The following TM4SF19 variants were observed in gnomAD, a reference collection of about 807,000 sequenced individuals.
TM4SF19 encodes the protein transmembrane 4 L6 family member 19.
In TM4SF19, 17 loss-of-function variants were observed where a neutral mutation model predicts 21.8. The ratio of observed to expected loss-of-function variants is 0.78; its 90% CI spans 0.53 to 1.17. The LOEUF (loss-of-function observed/expected upper bound fraction) is 1.17. TM4SF19 is among the 50% of genes most tolerant of loss of function. The pLI is 0.00. For missense variants in TM4SF19, 216 were observed against 252.1 expected (o/e 0.86, Z 0.97); for synonymous variants, 107 against 106.7 (o/e 1.00, Z -0.02).
At chr3:196,327,280 G>T in intron 2 of TM4SF19, 110 bp downstream of exon 2, 1 of 1,095,324 alleles carries the variant, frequency 9.1e-7, no homozygotes. Flanking sequence ...AGATCAGCTT[G>T]TTAGAATAAA....
chr3:196,332,767 G>A (rs1444095712), intron 1 of TM4SF19, among the ~76,000 whole-genome samples: 1 of 151,112 alleles, frequency 6.6e-6, no homozygotes, highest in African/African-American at 2.4e-5. Context: ...CCCGTTGTAA[G>A]TCAAAATATC....
At chr3:196,337,392 ACTGT>A (rs1560207917) in intron 1 of TM4SF19, among the ~76,000 whole-genome samples, 1 of 152,086 alleles carries the variant, frequency 6.6e-6, no homozygotes, top group African/African-American at 2.4e-5. Context: ...CGGTTGTTAC[ACTGT>A]CTTTCTAAAA....
intron 1 of TM4SF19, among the ~76,000 whole-genome samples, chr3:196,329,004 C>T (rs888425588): frequency 2.6e-5 from 4 of 151,310 alleles, no homozygotes; most frequent in Non-Finnish European, 4.4e-5. Context: ...AGTGCAGTGG[C>T]GCGATCTCAG....
At chr3:196,326,893 G>T in intron 3 of TM4SF19, 62 bp downstream of exon 3, 1 of 1,436,074 alleles carries the variant, frequency 7.0e-7, no homozygotes, top group Non-Finnish European at 9.7e-7. Context: ...TTACCGCCCT[G>T]CCTCTAGAGT....
intron 1 of TM4SF19, among the ~76,000 whole-genome samples, chr3:196,335,953 G>C (rs187583891): frequency 6.6e-6 from 1 of 152,160 alleles, no homozygotes; most frequent in Non-Finnish European, 1.5e-5. Context: ...CCTTTCAAGC[G>C]GGTGCTCTAG....
At position 196,327,409 on chromosome 3, in the gene TM4SF19, A is replaced by G; in HGVS notation, c.182T>C (p.Leu61Pro). 6.2e-7 allele frequency: 1 copy of G among 1,614,086 alleles called. No individual in the cohort carries two copies. Among genetic ancestry groups the G allele is most frequent in the Middle Eastern group, 1.7e-4 (1 of 6,060 alleles). The change falls in exon 2 of 5, where the codon CTC becomes CCC. Residue 61 changes from leucine to proline, a missense_variant. Transcript: ENST00000273695. ...ACTTACCATGAGGCCTCCTCCCCAG[A>G]GCCCAGTTCCCAGCATGGCATGCCT... ...LGRHAMLGTG[L>P]WGGGLMVLTA...
chr3:196,323,816 G>A lies in TM4SF19; in HGVS notation c.*1C>T. 1 of 1,613,674 alleles carries A rather than the reference G, an allele frequency of 6.2e-7. No homozygotes were observed. On this transcript the variant is annotated 3_prime_UTR_variant, in exon 5 of 5. Transcript: ENST00000273695. ...ATGCTTGCAAGTGAAGGTTCTGCCT[G>A]TCACTTCTCGCAGAGGCTGCAGAAA...
chr3:196,330,029 G>A (rs977051753), intron 1 of TM4SF19, among the ~76,000 whole-genome samples: 9 of 151,192 alleles, frequency 6.0e-5, no homozygotes, highest in African/African-American at 2.2e-4. Context: ...GTGCCACCAC[G>A]CCTGGCTAAT....
rs748248108 is a variant in TM4SF19 at position 196,323,857 on chromosome 3, TTGA to T, written c.587_589del (p.Ile196del). 9 of 1,614,052 alleles carry T rather than the reference TTGA, an allele frequency of 5.6e-6. No homozygotes were observed. The highest frequency in any genetic ancestry group is 7.6e-6 in the Non-Finnish European group (9 of 1,180,032). On this transcript the variant is annotated inframe_deletion, in exon 5 of 5. Transcript: ENST00000273695. ...GCTGCAGAAAAGGCCCAGGAGGCTGTTGATGACATGAACGACCACCAGGAGAAG... is the reference window on the plus strand; with the variant it reads ...GCTGCAGAAAAGGCCCAGGAGGCTGTTGACATGAACGACCACCAGGAGAAG...
rs778726273 is a variant in TM4SF19 at position 196,326,992 on chromosome 3, C to T, written c.242G>A (p.Arg81Lys). Residue 81 changes from arginine (R) to lysine (K), a missense_variant, in exon 3 of 5, where the codon AGA (arginine) becomes AAA (lysine). Physicochemically the swap from Arg to Lys is conservative, Grantham distance 26 (BLOSUM62 2). Coordinates refer to ENST00000273695, the MANE Select transcript of TM4SF19 (RefSeq NM_138461.4). ...AAILISLMGW[R>K]YGCFSKSGLC... ...CCCACTCTTACTGAAGCAGCCGTAT[C>T]TCCAGCCCATCAAGGAGATGAGGAT... The T allele has an allele frequency of 3.7e-6, 6 of 1,611,746 alleles. No individual in the cohort carries two copies. Among genetic ancestry groups the T allele is most frequent in the Non-Finnish European group, 4.2e-6 (5 of 1,178,092 alleles).
At chr3:196,333,128 G>A (rs983457643) in intron 1 of TM4SF19, among the ~76,000 whole-genome samples, 1 of 152,180 alleles carries the variant, frequency 6.6e-6, no homozygotes, top group Non-Finnish European at 1.5e-5. Flanking sequence ...GATTACAGGC[G>A]TAAGCCACCA....
At chr3:196,337,678 G>A (rs969386373) in intron 1 of TM4SF19, among the ~76,000 whole-genome samples, 2 of 152,218 alleles carry the variant, frequency 1.3e-5, no homozygotes, top group Non-Finnish European at 2.9e-5. Flanking sequence ...TGCCTGTGCG[G>A]CAGGCAGGCG....
Position 196,323,895 on chromosome 3 carries a change from G to C in TM4SF19, c.552C>G (p.Ser184Arg), listed in dbSNP as rs756908754. 2 of 1,614,196 alleles carry C rather than the reference G, an allele frequency of 1.2e-6. No individual in the cohort carries two copies. The highest frequency in any genetic ancestry group is 2.7e-5 in the African/African-American group (2 of 75,048). Reference sequence around the variant, plus strand: ...CGACCACCAGGAGAAGCTGGAGCAGGCTGATGCACAGAAGGGCGGAGAAGA... The same window carrying C: ...CGACCACCAGGAGAAGCTGGAGCAGCCTGATGCACAGAAGGGCGGAGAAGA... ...VSLFSALLCI[S>R]LLQLLLVVVH... Residue 184 changes from serine (S) to arginine (R), a missense_variant, in exon 5 of 5, where the codon AGC (serine) becomes AGG (arginine). Coordinates refer to ENST00000273695, the MANE Select transcript of TM4SF19 (RefSeq NM_138461.4).
intron 1 of TM4SF19, among the ~76,000 whole-genome samples, chr3:196,333,548 G>A (rs952507376): frequency 3.3e-5 from 5 of 152,066 alleles, no homozygotes; most frequent in South Asian, 4.1e-4. Context: ...GTTAAGGGGG[G>A]ATTACTTTAC....
At chr3:196,324,092 G>T (rs779687543) in intron 4 of TM4SF19, 95 bp from the exon 5 acceptor site, 4 of 1,504,604 alleles carry the variant, frequency 2.7e-6, no homozygotes, top group Non-Finnish European at 3.7e-6. Flanking sequence ...CCCTGACCGG[G>T]TCATGGGACT....
intron 1 of TM4SF19, among the ~76,000 whole-genome samples, chr3:196,332,595 G>A (rs66744350): frequency 0.22 from 32,734 of 151,362 alleles, 3,668 homozygotes; most frequent in South Asian, 0.31. Flanking sequence ...TATAATGTGC[G>A]TATATATGTG....
chr3:196,329,784 G>A (rs1560203455), intron 1 of TM4SF19, among the ~76,000 whole-genome samples: 1 of 126,244 alleles, frequency 7.9e-6, no homozygotes. Context: ...AAAGTAGACT[G>A]GAGGTTATCA....
At chr3:196,324,191 T>C in intron 4 of TM4SF19, 80 bp downstream of exon 4, 2 of 1,540,372 alleles carry the variant, frequency 1.3e-6, no homozygotes, top group South Asian at 1.2e-5. Flanking sequence ...CCAAAGGAGC[T>C]TGTAGTTCGT....
chr3:196,324,130 C>A, intron 4 of TM4SF19, 133 bp from the exon 5 acceptor site: 1 of 1,434,394 alleles, frequency 7.0e-7, no homozygotes, highest in East Asian at 2.3e-5. Context: ...CGTTACTGCT[C>A]CATTTGCAAT....
Sources: gnomAD v4.1 joint callset for allele counts (sites outside exome capture counted in the v4.1 genomes callset) on GRCh38, gnomAD v4.1.1 for gene constraint, MANE v1.5 for transcripts, NCBI Gene and HGNC (gene_info 2026-07-23, HGNC 2026-07-21) for gene names.